The following LSM3 variants were observed in gnomAD, a reference collection of about 807,000 sequenced individuals.
The protein encoded by LSM3 is U6 snRNA-associated Sm-like protein LSm3.
In LSM3, 14 loss-of-function variants were observed where a neutral mutation model predicts 15.4. The observed-to-expected ratio is 0.91, with a 90% CI of 0.60 to 1.42. LSM3 has a LOEUF of 1.42. LSM3 is among the 40% of genes most tolerant of loss of function. The pLI, the probability that LSM3 is intolerant of heterozygous loss-of-function variation, is 0.00. For synonymous variants in LSM3, 46 were observed against 45.1 expected, an observed-to-expected ratio of 1.02 and a Z score of -0.08; for missense variants, 88 against 127.9, an observed-to-expected ratio of 0.69 and a Z score of 1.50.
intron 2 of LSM3, among the ~76,000 whole-genome samples, chr3:14,183,199 C>T (rs1055365540): frequency 6.6e-6 from 1 of 152,182 alleles, no homozygotes; most frequent in African/African-American, 2.4e-5. Context: ...AGCAGTTCCC[C>T]ACATGGCTGA....
Position 14,200,878 on chromosome 3 carries a change from A to T in LSM3, c.*2762A>T, listed in dbSNP as rs1255384470. 1 of 152,114 alleles carries T rather than the reference A, an allele frequency of 6.6e-6. No homozygotes were observed. The highest frequency in any genetic ancestry group is 1.5e-5 in the Non-Finnish European group (1 of 68,034). The allele number at this position is 152,114 out of a possible 1,614,324, so 9.4% of individuals were successfully genotyped here. On this transcript the variant is annotated 3_prime_UTR_variant, in exon 4 of 4. Transcript: ENST00000306024. ...TGGGTGCGGTGACACACACCTGTAA[A>T]CTCAACCACTAAGGAGACTGAGGCG... is the stretch of plus-strand genomic sequence containing the variant.
At position 14,200,706 on chromosome 3, in the gene LSM3, A is replaced by G. The variant is rs1697227168; in HGVS notation, c.*2590A>G. On this transcript the variant is annotated 3_prime_UTR_variant, in exon 4 of 4. Coordinates refer to ENST00000306024, the MANE Select transcript of LSM3 (RefSeq NM_014463.3). ...AATGAAAAGTAACTTGAGTATCCCA[A>G]GTTAAACTTAATCATTAGCTGCAAA... 6.6e-6 allele frequency: 1 copy of G among 152,232 alleles called. No individual in the cohort carries two copies. Among genetic ancestry groups the G allele is most frequent in the Admixed American group, 6.5e-5 (1 of 15,286 alleles). 9.4% of individuals were successfully genotyped at this position (152,232 alleles called of 1,614,324 possible).
At chr3:14,195,832 G>C (rs1697182609) in intron 3 of LSM3, among the ~76,000 whole-genome samples, 1 of 152,204 alleles carries the variant, frequency 6.6e-6, no homozygotes, top group Non-Finnish European at 1.5e-5. Flanking sequence ...TGGGTAGCTA[G>C]GGAAGAATCC....
chr3:14,196,224 C>T lies in LSM3; in HGVS notation c.229-1812C>T, dbSNP rs559029524. Among the ~76,000 whole-genome samples the T allele has an allele frequency of 8.6e-5, 13 of 152,042 alleles. No individual in the cohort carries two copies. The East Asian group carries it at 9.7e-4, about 11-fold the overall frequency. On this transcript the variant is annotated intron_variant, in intron 3 of 3. Transcript: ENST00000306024. ...CACCTGCCTCATCCTCCTAAAGTGC[C>T]GGATTACAGGTGTGAACCACCGTGC...
At chr3:14,190,047 A>T (rs765955427) in intron 3 of LSM3, among the ~76,000 whole-genome samples, 16 of 152,216 alleles carry the variant, frequency 1.1e-4, no homozygotes, top group Admixed American at 2.0e-4. Flanking sequence ...CCATTTATTA[A>T]ATAGGGAATC....
chr3:14,181,526 A>G, intron 1 of LSM3, 34 bp from the exon 2 acceptor site: 1 of 1,345,964 alleles, frequency 7.4e-7, no homozygotes, highest in African/African-American at 1.4e-5. Flanking sequence ...CTCTGACTCT[A>G]GTACTACATT....
At position 14,191,243 on chromosome 3, in the gene LSM3, T is replaced by C. The variant is rs147626724; in HGVS notation, c.229-6793T>C. Among the ~76,000 whole-genome samples, 1,505 of 152,314 alleles carry C rather than the reference T, an allele frequency of 9.9e-3. 25 individuals are homozygous for C. The highest frequency in any genetic ancestry group is 0.034 in the African/African-American group (1,412 of 41,554). ...CATCAGGGATATTGGCCTGAAATTT[T>C]CTTTTTTTGTTGTGTCTCTGCCAGA... On this transcript the variant is annotated intron_variant, in intron 3 of 3. Transcript: ENST00000306024.
At chr3:14,185,371 C>CA (rs138222355) in intron 3 of LSM3, among the ~76,000 whole-genome samples, 29,753 of 150,482 alleles carry the variant, frequency 0.2, 3,202 homozygotes, top group South Asian at 0.25. Flanking sequence ...CAAAACAAAA[C>CA]AAAAAAAAAC....
intron 3 of LSM3, among the ~76,000 whole-genome samples, chr3:14,196,715 T>C (rs898949565): frequency 2.0e-5 from 3 of 152,234 alleles, no homozygotes; most frequent in Non-Finnish European, 4.4e-5. Context: ...TACATCTTTA[T>C]TTGCAAAATC....
At chr3:14,192,790 G>C (rs542511735) in intron 3 of LSM3, among the ~76,000 whole-genome samples, 1 of 152,272 alleles carries the variant, frequency 6.6e-6, no homozygotes, top group South Asian at 2.1e-4. Flanking sequence ...AAGGTTAATA[G>C]TGTTATGTGT....
chr3:14,195,395 C>A (rs1302585891), intron 3 of LSM3, among the ~76,000 whole-genome samples: 1 of 152,028 alleles, frequency 6.6e-6, no homozygotes, highest in Non-Finnish European at 1.5e-5. Flanking sequence ...CTGCCATAGT[C>A]TGCTCCCCCC....
intron 1 of LSM3, among the ~76,000 whole-genome samples, chr3:14,179,736 A>G (rs1412111329): frequency 2.6e-5 from 4 of 152,212 alleles, no homozygotes; most frequent in Non-Finnish European, 5.9e-5. Context: ...GAAACACTCA[A>G]AAAATATTTG....
Position 14,201,039 on chromosome 3 carries a change from G to A in LSM3, c.*2923G>A, listed in dbSNP as rs1697230207. ...GGGGAGAAATGTTATTGTTTGAACA[G>A]ATGTCAGATGTGAGTAATGCTCAGC... On this transcript the variant is annotated 3_prime_UTR_variant, in exon 4 of 4. Transcript: ENST00000306024. 6.6e-6 allele frequency: 1 copy of A among 152,232 alleles called. No individual in the cohort carries two copies. The highest frequency in any genetic ancestry group is 6.5e-5 in the Admixed American group (1 of 15,282). 9.4% of individuals were successfully genotyped at this position (152,232 alleles called of 1,614,324 possible).
At chr3:14,182,999 C>G (rs1697054508) in intron 2 of LSM3, among the ~76,000 whole-genome samples, 1 of 152,116 alleles carries the variant, frequency 6.6e-6, no homozygotes. Context: ...AAGAGAGACT[C>G]CAGGAAAGGA....
intron 3 of LSM3, among the ~76,000 whole-genome samples, chr3:14,191,588 C>A (rs1421086574): frequency 6.6e-6 from 1 of 152,158 alleles, no homozygotes; most frequent in Non-Finnish European, 1.5e-5. Context: ...TTATATTATT[C>A]TCTGATGGTA....
Position 14,180,392 on chromosome 3 carries a change from G to A in LSM3, c.22-1168G>A, listed in dbSNP as rs553243879. ...CAACCTCTGCCTCCTGGGTTCAAGT[G>A]ATTCTCCTGTCTCAGCCTCCCAAGT... On this transcript the variant is annotated intron_variant, in intron 1 of 3. Transcript: ENST00000306024. Among the ~76,000 whole-genome samples, 113 of 151,876 alleles carry A rather than the reference G, an allele frequency of 7.4e-4. 1 individual carries two copies. In the South Asian group the frequency reaches 0.02, roughly 27 times the overall value.
intron 3 of LSM3, among the ~76,000 whole-genome samples, chr3:14,191,264 C>G (rs1697137033): frequency 6.6e-6 from 1 of 152,074 alleles, no homozygotes; most frequent in Admixed American, 6.5e-5. Flanking sequence ...TGTGTCTCTG[C>G]CAGATTTTGG....
chr3:14,193,559 T>G (rs1697160643), intron 3 of LSM3, among the ~76,000 whole-genome samples: 2 of 152,256 alleles, frequency 1.3e-5, no homozygotes, highest in Non-Finnish European at 2.9e-5. Flanking sequence ...TTCTTCCACT[T>G]GATTGATTCA....
At position 14,193,260 on chromosome 3, in the gene LSM3, G is replaced by A. The variant is rs539484249; in HGVS notation, c.229-4776G>A. Reference sequence around the variant, plus strand: ...GAATCTGATGATTATGTGTCTTGGGGTTGTTCTTCTTGAGGAGTATCTTTG... The same window carrying A: ...GAATCTGATGATTATGTGTCTTGGGATTGTTCTTCTTGAGGAGTATCTTTG... On this transcript the variant is annotated intron_variant, in intron 3 of 3. Coordinates refer to ENST00000306024, the MANE Select transcript of LSM3 (RefSeq NM_014463.3). Among the ~76,000 whole-genome samples the A allele has an allele frequency of 4.6e-5, 7 of 152,206 alleles. No individual in the cohort carries two copies. The South Asian group carries it at 1.5e-3, about 32-fold the overall frequency.
Sources: gnomAD v4.1 joint callset for allele counts (sites outside exome capture counted in the v4.1 genomes callset) on GRCh38, gnomAD v4.1.1 for gene constraint, MANE v1.5 for transcripts, NCBI Gene and HGNC (gene_info 2026-07-23, HGNC 2026-07-21) for gene names.